RBFOX1: variants seen among roughly 807,000 people sequenced by gnomAD.
The protein encoded by RBFOX1 is RNA binding protein fox-1 homolog 1.
A neutral mutation model predicts 57.7 loss-of-function variants in RBFOX1; 8 were observed. The ratio of observed to expected loss-of-function variants is 0.14; its 90% CI spans 0.08 to 0.25. The LOEUF is 0.25. Ranked by LOEUF, RBFOX1 falls within the 10% of genes least tolerant of loss-of-function variation. The pLI is 1.00. For missense variants in RBFOX1, 611 were observed against 548.5 expected, an observed-to-expected ratio of 1.11 and a Z score of -1.14; for synonymous variants, 326 against 222.4, an observed-to-expected ratio of 1.47 and a Z score of -4.15.
At chr16:6,955,324 C>G (rs574302213) in intron 3 of RBFOX1, among the ~76,000 whole-genome samples, 1 of 149,350 alleles carries the variant, frequency 6.7e-6, no homozygotes, top group African/African-American at 2.5e-5. Context: ...TTTTCTCTTT[C>G]ACCTTTAAGC....
chr16:5,834,336 A>G (rs1363648542), intron 3 of RBFOX1, among the ~76,000 whole-genome samples: 1 of 152,188 alleles, frequency 6.6e-6, no homozygotes, highest in East Asian at 1.9e-4. Context: ...TTCAGTTATA[A>G]GTGAGAACAT....
rs61629644 is a variant in RBFOX1 at position 7,388,644 on chromosome 16, C to CTTT, written c.28-129480_28-129478dup. Among the ~76,000 whole-genome samples, 652 of 92,570 alleles carry CTTT rather than the reference C, an allele frequency of 7.0e-3. 19 individuals are homozygous for CTTT. The highest frequency in any genetic ancestry group is 0.021 in the African/African-American group (505 of 23,682). The allele number at this position is 92,570 out of a possible 152,430, so 60.7% of individuals were successfully genotyped here. On this transcript the variant is annotated intron_variant, in intron 4 of 15. Transcript: ENST00000550418. ...CCCAACTTAAAAGTGGTTTCACTTA[C>CTTT]TTTTTTTTTTTTTTTTTTTTTTTTT...
At chr16:7,089,051 G>A (rs545575279) in intron 4 of RBFOX1, among the ~76,000 whole-genome samples, 100 of 152,206 alleles carry the variant, frequency 6.6e-4, no homozygotes, top group African/African-American at 2.3e-3. Context: ...GGTCTGCCTT[G>A]CCCCTCAGTG....
chr16:6,427,553 G>A (rs897932401), intron 2 of RBFOX1, among the ~76,000 whole-genome samples: 1 of 144,394 alleles, frequency 6.9e-6, no homozygotes, highest in African/African-American at 2.8e-5. Context: ...TCATGCATTT[G>A]TGCCCAATGG....
intron 3 of RBFOX1, among the ~76,000 whole-genome samples, chr16:5,689,681 T>C (rs2151456064): frequency 6.6e-6 from 1 of 152,230 alleles, no homozygotes; most frequent in Middle Eastern, 3.4e-3. Flanking sequence ...CAGTCATTCG[T>C]ACATCAGATA....
At chr16:7,255,629 C>G (rs1324325530) in intron 4 of RBFOX1, among the ~76,000 whole-genome samples, 1 of 152,174 alleles carries the variant, frequency 6.6e-6, no homozygotes, top group African/African-American at 2.4e-5. Context: ...TGGACCAGCA[C>G]TGTTCAGTAG....
At chr16:5,309,516 T>G (rs2064026035) in intron 1 of RBFOX1, among the ~76,000 whole-genome samples, 1 of 152,210 alleles carries the variant, frequency 6.6e-6, no homozygotes, top group Non-Finnish European at 1.5e-5. Context: ...AAATTGTTTT[T>G]TAATTTTTAT....
intron 4 of RBFOX1, among the ~76,000 whole-genome samples, chr16:7,180,003 A>G (rs1005868323): frequency 6.6e-5 from 10 of 151,982 alleles, no homozygotes; most frequent in Non-Finnish European, 1.3e-4. Context: ...TTAGACCCCC[A>G]AAGTGCTGGA....
chr16:5,814,988 T>G (rs2055575628), intron 3 of RBFOX1, among the ~76,000 whole-genome samples: 1 of 151,096 alleles, frequency 6.6e-6, no homozygotes, highest in Non-Finnish European at 1.5e-5. Flanking sequence ...ATTTTCTTTC[T>G]TTCTTTTTTT....
intron 1 of RBFOX1, among the ~76,000 whole-genome samples, chr16:6,031,674 A>G (rs1174701288): frequency 6.6e-6 from 1 of 152,190 alleles, no homozygotes; most frequent in East Asian, 1.9e-4. Flanking sequence ...GCATACGTGC[A>G]TGTATTGCAG....
chr16:6,616,580 G>T (rs888557799), intron 2 of RBFOX1, among the ~76,000 whole-genome samples: 21 of 152,172 alleles, frequency 1.4e-4, no homozygotes, highest in African/African-American at 5.1e-4. Flanking sequence ...GGAGGCTGAG[G>T]CAGGAGAATA....
intron 1 of RBFOX1, among the ~76,000 whole-genome samples, chr16:5,429,512 G>C (rs938594754): frequency 6.6e-6 from 1 of 152,186 alleles, no homozygotes; most frequent in Non-Finnish European, 1.5e-5. Flanking sequence ...GGGGTCCTGG[G>C]AGAGGGACCC....
At chr16:6,721,538 C>A (rs1024369380) in intron 3 of RBFOX1, among the ~76,000 whole-genome samples, 3 of 152,124 alleles carry the variant, frequency 2.0e-5, no homozygotes, top group Admixed American at 6.5e-5. Flanking sequence ...ATCTGCAGAA[C>A]TTTTTCATCT....
chr16:7,263,168 C>T (rs1362888439), intron 4 of RBFOX1, among the ~76,000 whole-genome samples: 1 of 152,166 alleles, frequency 6.6e-6, no homozygotes, highest in Non-Finnish European at 1.5e-5. Context: ...TGTATTTCTT[C>T]TCTGTTACAT....
chr16:6,021,754 A>T (rs982082996), intron 1 of RBFOX1, among the ~76,000 whole-genome samples: 2 of 152,162 alleles, frequency 1.3e-5, no homozygotes, highest in Non-Finnish European at 2.9e-5. Flanking sequence ...CAGCTGTGTG[A>T]CCTTGGGCAA....
At chr16:5,463,629 G>A (rs572580119) in intron 1 of RBFOX1, among the ~76,000 whole-genome samples, 64 of 151,918 alleles carry the variant, frequency 4.2e-4, no homozygotes, top group African/African-American at 1.4e-3. Flanking sequence ...GTGAAACCCT[G>A]TGTCCACTAA....
chr16:6,700,475 T>G (rs1213189920), intron 3 of RBFOX1, among the ~76,000 whole-genome samples: 1 of 151,846 alleles, frequency 6.6e-6, no homozygotes, highest in African/African-American at 2.4e-5. Flanking sequence ...CTAGCCAACA[T>G]GGTGAAACCC....
intron 4 of RBFOX1, among the ~76,000 whole-genome samples, chr16:7,504,741 ATATATATATATATT>A (rs1567554025): frequency 1.6e-3 from 16 of 10,272 alleles, no homozygotes; most frequent in Non-Finnish European, 2.5e-3. Context: ...ATATATATAT[ATATATATATATATT>A]TATATATATA....
intron 2 of RBFOX1, among the ~76,000 whole-genome samples, chr16:6,344,457 G>A (rs1465302580): frequency 5.1e-5 from 7 of 136,558 alleles, no homozygotes; most frequent in Non-Finnish European, 1.1e-4. Flanking sequence ...GAGTGCAGTG[G>A]CACAATCTCA....
Sources: gnomAD v4.1 joint callset for allele counts (sites outside exome capture counted in the v4.1 genomes callset) on GRCh38, gnomAD v4.1.1 for gene constraint, MANE v1.5 for transcripts, NCBI Gene and HGNC (gene_info 2026-07-23, HGNC 2026-07-21) for gene names.